The following ATM variants were observed in gnomAD, a reference collection of about 807,000 sequenced individuals.
The protein encoded by ATM is serine-protein kinase ATM.
Under a neutral mutation model 387.0 loss-of-function variants are expected in ATM, and 308 were observed. That is an observed-to-expected ratio of 0.80 (90% CI 0.73 to 0.87). The LOEUF (loss-of-function observed/expected upper bound fraction) is 0.87. Ranked by LOEUF, ATM falls within the 40% of genes least tolerant of loss-of-function variation. ATM has a pLI of 0.00. For synonymous variants in ATM, 1,156 were observed against 1,187.3 expected, an observed-to-expected ratio of 0.97 and a Z score of 0.54; for missense variants, 3,312 against 3,560.9, an observed-to-expected ratio of 0.93 and a Z score of 1.78.
chr11:108,350,956 T>C (rs899574857), intron 59 of ATM, among the ~76,000 whole-genome samples: 1 of 152,192 alleles, frequency 6.6e-6, no homozygotes, highest in Non-Finnish European at 1.5e-5. Context: ...TACATATGTA[T>C]AAAAATGTTT....
intron 61 of ATM, among the ~76,000 whole-genome samples, chr11:108,358,528 T>C (rs1217191640): frequency 1.4e-5 from 2 of 141,992 alleles, no homozygotes; most frequent in Non-Finnish European, 1.5e-5. Flanking sequence ...GGAAAAAATG[T>C]TAAGGGCAGC....
At chr11:108,310,425 T>C (rs1359001654) in intron 39 of ATM, 110 bp downstream of exon 39, 4 of 1,037,334 alleles carry the variant, frequency 3.9e-6, no homozygotes, top group Non-Finnish European at 5.5e-6. Context: ...AAAGATATTT[T>C]AGATAGAAAT....
intron 56 of ATM, among the ~76,000 whole-genome samples, chr11:108,337,670 TTGA>T (rs150965554): frequency 0.016 from 2,478 of 152,340 alleles, 36 homozygotes; most frequent in South Asian, 0.036. Flanking sequence ...TAGAACAAAG[TTGA>T]TGATCTATTA....
In ATM at chr11:108,368,431, C is replaced by T. The variant is rs963603073; in HGVS notation, c.*2923C>T. 1.9e-5 allele frequency: 4 copies of T among 213,264 alleles called. No individual in the cohort carries two copies. Among genetic ancestry groups the T allele is most frequent in the Admixed American group, 5.9e-5 (1 of 17,070 alleles). The allele number at this position is 213,264 out of a possible 1,614,324, so 13.2% of individuals were successfully genotyped here. On this transcript the variant is annotated 3_prime_UTR_variant, in exon 63 of 63. Transcript: ENST00000675843. Reference sequence around the variant, plus strand: ...AGTTGTTGTATGCTAAGTCACTGACCCATATTATGTACAGCATTTCTGATC... The same window carrying T: ...AGTTGTTGTATGCTAAGTCACTGACTCATATTATGTACAGCATTTCTGATC...
At chr11:108,358,295 T>G (rs973142923) in intron 61 of ATM, among the ~76,000 whole-genome samples, 3 of 143,968 alleles carry the variant, frequency 2.1e-5, no homozygotes, top group Non-Finnish European at 3.0e-5. Flanking sequence ...TGGGACTATG[T>G]GAAAAGACCA....
At chr11:108,308,903 T>C in intron 38 of ATM, 2 of 908,322 alleles carry the variant, frequency 2.2e-6, no homozygotes, top group Non-Finnish European at 1.7e-6. Context: ...GAAGCTTTAA[T>C]GTAGTGGAGA....
chr11:108,338,393 G>C (rs1490278371), intron 56 of ATM, among the ~76,000 whole-genome samples: 1 of 152,134 alleles, frequency 6.6e-6, no homozygotes, highest in African/African-American at 2.4e-5. Context: ...AGTGGCTCAT[G>C]CCTGTAATCT....
chr11:108,256,463 A>G (rs1565395447), intron 14 of ATM, 123 bp downstream of exon 14: 3 of 943,016 alleles, frequency 3.2e-6, no homozygotes, highest in South Asian at 1.6e-5. Flanking sequence ...TCTTTTATTT[A>G]TGTAATGTGA....
At chr11:108,249,350 A>C (rs930205367) in intron 9 of ATM, among the ~76,000 whole-genome samples, 4 of 152,170 alleles carry the variant, frequency 2.6e-5, no homozygotes, top group African/African-American at 9.7e-5. Flanking sequence ...AAGAAGGAGG[A>C]CTGGCTCTCT....
At chr11:108,263,907 T>TA (rs1367430853) in intron 16 of ATM, among the ~76,000 whole-genome samples, 1 of 150,006 alleles carries the variant, frequency 6.7e-6, no homozygotes, top group Non-Finnish European at 1.5e-5. Context: ...CCTGGACACA[T>TA]ACACTCTCCC....
intron 61 of ATM, 113 bp from the exon 62 acceptor site, chr11:108,364,969 C>T (rs1478957557): frequency 8.3e-7 from 1 of 1,204,562 alleles, no homozygotes; most frequent in East Asian, 2.5e-5. Flanking sequence ...TTGTTCCCCT[C>T]CCCCATCAAC....
Position 108,368,301 on chromosome 11 carries a change from AAAAAGGTT to A in ATM, c.*2794_*2801del. On this transcript the variant is annotated 3_prime_UTR_variant, in exon 63 of 63. Transcript: ENST00000675843. ...AAGACTCTGCCTCAAAAAAAAAAAA[AAAAAGGTT>A]TTGGCAAGCTGGAACTCTTTCTGCA... 4.7e-6 allele frequency: 1 copy of A among 213,464 alleles called. No homozygotes were observed. Among genetic ancestry groups the A allele is most frequent in the Non-Finnish European group, 9.5e-6 (1 of 105,688 alleles). 13.2% of individuals were successfully genotyped at this position (213,464 alleles called of 1,614,324 possible).
rs756626462 is a variant in ATM at position 108,321,330 on chromosome 11, G to A, written c.6482G>A (p.Arg2161His). 152 of 1,613,990 alleles carry A rather than the reference G, an allele frequency of 9.4e-5. No homozygotes were observed. The highest frequency in any genetic ancestry group is 1.2e-4 in the Non-Finnish European group (145 of 1,179,998). ...AAAGAAGTGGAAGAGATGTGTAAGC[G>A]CAGCCTTGAGTCTGTGTATTCGCTC... is the stretch of plus-strand genomic sequence containing the variant. Reference protein sequence around the residue: ...RVKEVEEMCKRSLESVYSLYP... With the variant: ...RVKEVEEMCKHSLESVYSLYP... The change falls in exon 45 of 63, where the codon CGC (arginine) becomes CAC (histidine). Residue 2161 changes from arginine to histidine, a missense_variant. This residue lies in a region of ATM where 1,405 missense variants were observed against 1,604.4 expected (regional missense o/e 0.88). Coordinates refer to ENST00000675843, the MANE Select transcript of ATM (RefSeq NM_000051.4).
intron 16 of ATM, among the ~76,000 whole-genome samples, chr11:108,262,400 G>T (rs969407027): frequency 2.0e-5 from 3 of 152,246 alleles, no homozygotes; most frequent in Admixed American, 6.5e-5. Context: ...ATAAGTGAAG[G>T]AGAAATAAAA....
chr11:108,290,942 T>G (rs1357500352), intron 29 of ATM, among the ~76,000 whole-genome samples: 1 of 152,032 alleles, frequency 6.6e-6, no homozygotes, highest in Non-Finnish European at 1.5e-5. Context: ...TACTATAGAA[T>G]TGGGGTTGTT....
intron 17 of ATM, 47 bp downstream of exon 17, chr11:108,267,389 G>T: frequency 6.3e-7 from 1 of 1,578,548 alleles, no homozygotes; most frequent in Non-Finnish European, 8.7e-7. Context: ...TCTTTATATT[G>T]ATTTGGCAGT....
intron 59 of ATM, among the ~76,000 whole-genome samples, 179 bp downstream of exon 59, chr11:108,347,544 G>T (rs1256584116): frequency 6.6e-6 from 1 of 152,096 alleles, no homozygotes; most frequent in Non-Finnish European, 1.5e-5. Flanking sequence ...CTCTGCCTGG[G>T]GTACTGAGTG....
chr11:108,276,150 C>T (rs759541737), intron 22 of ATM, among the ~76,000 whole-genome samples: 10 of 152,086 alleles, frequency 6.6e-5, no homozygotes, highest in South Asian at 2.1e-4. Flanking sequence ...TTAATCAGTT[C>T]GGCTGTTGAT....
intron 27 of ATM, 64 bp from the exon 28 acceptor site, chr11:108,288,913 T>G (rs2135748796): frequency 2.3e-5 from 36 of 1,587,434 alleles, no homozygotes; most frequent in Non-Finnish European, 2.9e-5. Flanking sequence ...ATTTTGGAAG[T>G]TCACTGGTCT....
Sources: allele counts gnomAD v4.1 joint callset (sites outside exome capture counted in the v4.1 genomes callset), GRCh38; gene constraint gnomAD v4.1.1; regional missense constraint gnomAD v4.1.1; transcripts MANE v1.5; gene names NCBI Gene and HGNC (gene_info 2026-07-23, HGNC 2026-07-21).